MTUS1: variants seen among roughly 807,000 people sequenced by gnomAD.
MTUS1 encodes the protein microtubule associated scaffold protein 1.
A neutral mutation model predicts 120.8 loss-of-function variants in MTUS1; 109 were observed. That is an observed-to-expected ratio of 0.90 (90% CI 0.77 to 1.06). The LOEUF (loss-of-function observed/expected upper bound fraction) is 1.06. Ranked by LOEUF, MTUS1 falls within the 50% of genes least tolerant of loss-of-function variation. The pLI is 0.00. For missense variants in MTUS1, 2,210 were observed against 1,486.3 expected, an observed-to-expected ratio of 1.49 and a Z score of -8.01; for synonymous variants, 737 against 550.5, an observed-to-expected ratio of 1.34 and a Z score of -4.74.
chr8:17,733,124 G>C (rs2131189362), intron 3 of MTUS1, among the ~76,000 whole-genome samples: 1 of 152,282 alleles, frequency 6.6e-6, no homozygotes, highest in East Asian at 1.9e-4. Context: ...GCCGAGGTGG[G>C]TGGATCACCT....
intron 8 of MTUS1, among the ~76,000 whole-genome samples, chr8:17,656,545 A>ACCCCCC (rs141775374): frequency 1.9e-5 from 2 of 105,972 alleles, no homozygotes; most frequent in Admixed American, 1.0e-4. Flanking sequence ...AACAAACAAA[A>ACCCCCC]CCCCCCCCCA....
Position 17,656,019 on chromosome 8 carries a change from C to G in MTUS1, c.2952G>C (p.Glu984Asp). 1.1e-5 allele frequency: 18 copies of G among 1,614,222 alleles called. No individual in the cohort carries two copies. Among genetic ancestry groups the G allele is most frequent in the Non-Finnish European group, 1.5e-5 (18 of 1,180,042 alleles). Reference protein sequence around the residue: ...TCEKLEKARNELQTVYEAFVQ... With the variant: ...TCEKLEKARNDLQTVYEAFVQ... ...CGAATGCTTCATACACTGTTTGTAA[C>G]TCATTCCTGGCTTTTTCTAATTTCT... Residue 984 changes from glutamate to aspartate, a missense_variant, in exon 9 of 15, where the codon GAG becomes GAC. Coordinates refer to ENST00000693296, the MANE Select transcript of MTUS1 (RefSeq NM_001363059.2).
At chr8:17,776,678 CAAAAAAAAAAAAAAA>C (rs71215272) in intron 1 of MTUS1, among the ~76,000 whole-genome samples, 5 of 55,178 alleles carry the variant, frequency 9.1e-5, no homozygotes, top group East Asian at 7.6e-4. Context: ...GACTCTGTCT[CAAAAAAAAAAAAAAA>C]AAAAAAAAAA....
rs777458284 is a variant in MTUS1, at chr8:17,723,588, A to G, written c.2449+84T>C. On this transcript the variant is annotated intron_variant, in intron 4 of 14. Transcript: ENST00000693296. Reference sequence around the variant, plus strand: ...ATTTTTCCTGAAACCCCAGAAACAAAAATTCTAATTATTTGCAGAGCATTA... The same window carrying G: ...ATTTTTCCTGAAACCCCAGAAACAAGAATTCTAATTATTTGCAGAGCATTA... 2.7e-6 allele frequency: 4 copies of G among 1,459,512 alleles called. No homozygotes were observed. The East Asian group carries it at 9.0e-5, about 33-fold the overall frequency. 90.4% of individuals were successfully genotyped at this position (1,459,512 alleles called of 1,614,324 possible). A position where few individuals can be genotyped will look rare whatever the true frequency, so the allele number is the denominator to read the frequency against.
intron 7 of MTUS1, chr8:17,681,466 G>A (rs550979499): frequency 1.3e-5 from 2 of 153,584 alleles, no homozygotes; most frequent in South Asian, 4.1e-4. Flanking sequence ...CTAGCTGTCT[G>A]ATAGCAGGCA....
At position 17,723,640 on chromosome 8, in the gene MTUS1, A is replaced by T. The variant is rs769014549; in HGVS notation, c.2449+32T>A. ...TTTTTCTTGTAATGACTGTTTCCACAACCCCCGAAGTGTGATATAAAGTCG... is the reference window on the plus strand; with the variant it reads ...TTTTTCTTGTAATGACTGTTTCCACTACCCCCGAAGTGTGATATAAAGTCG... On this transcript the variant is annotated intron_variant, in intron 4 of 14. Coordinates refer to ENST00000693296, the MANE Select transcript of MTUS1 (RefSeq NM_001363059.2). 14 of 1,594,098 alleles carry T rather than the reference A, an allele frequency of 8.8e-6. No individual in the cohort carries two copies. The Admixed American group carries it at 2.3e-4, about 27-fold the overall frequency.
intron 1 of MTUS1, among the ~76,000 whole-genome samples, chr8:17,784,392 T>G (rs553603611): frequency 6.7e-6 from 1 of 148,870 alleles, no homozygotes; most frequent in Non-Finnish European, 1.5e-5. Flanking sequence ...ACCTCCCACA[T>G]TGAAGTGATT....
At chr8:17,646,176 A>G in intron 14 of MTUS1, 37 bp from the exon 15 acceptor site, 2 of 621,730 alleles carry the variant, frequency 3.2e-6, no homozygotes, top group African/African-American at 2.0e-5. Context: ...AGATCTATGT[A>G]AAAAAAAAAA....
intron 1 of MTUS1, among the ~76,000 whole-genome samples, chr8:17,764,429 G>C (rs957282132): frequency 6.7e-6 from 1 of 148,324 alleles, no homozygotes; most frequent in Non-Finnish European, 1.5e-5. Flanking sequence ...TAATTTCTAT[G>C]TACCTGCAAT....
At position 17,723,682 on chromosome 8, in the gene MTUS1, G is replaced by C; in HGVS notation, c.2439C>G (p.Tyr813Ter). 6.2e-7 allele frequency: 1 copy of C among 1,610,194 alleles called. No homozygotes were observed. Among genetic ancestry groups the C allele is most frequent in the Non-Finnish European group, 8.5e-7 (1 of 1,177,202 alleles). ...ATAAAGTCGACTTACAATTGTTGCT[G>C]TAAGTGCTCAGCTCACTGTGGGTGC... Reference protein sequence around the residue: ...IASTHSELSTYSNNSGNAAVI... With the variant: ...IASTHSELST Residue 813 changes from tyrosine to a stop codon, truncating the protein, a stop_gained, in exon 4 of 15, where the codon TAC becomes TAG. Coordinates refer to ENST00000693296, the MANE Select transcript of MTUS1 (RefSeq NM_001363059.2). LOFTEE classifies it high-confidence loss of function.
At chr8:17,760,220 GAAAAC>G (rs775267317) in intron 1 of MTUS1, among the ~76,000 whole-genome samples, 4 of 151,602 alleles carry the variant, frequency 2.6e-5, no homozygotes, top group African/African-American at 7.3e-5. Flanking sequence ...ACTATTAAAA[GAAAAC>G]AAAACAAAAT....
intron 3 of MTUS1, among the ~76,000 whole-genome samples, chr8:17,724,931 G>A (rs917879555): frequency 1.2e-4 from 19 of 152,100 alleles, no homozygotes; most frequent in South Asian, 8.3e-4. Context: ...TAGCTCCACT[G>A]TTTTATTTTT....
At chr8:17,761,957 T>A (rs2131382711) in intron 1 of MTUS1, among the ~76,000 whole-genome samples, 1 of 152,282 alleles carries the variant, frequency 6.6e-6, no homozygotes, top group Non-Finnish European at 1.5e-5. Context: ...TGGCACAACA[T>A]CTAAGCTATC....
intron 1 of MTUS1, among the ~76,000 whole-genome samples, chr8:17,774,345 G>A (rs1300439384): frequency 6.6e-6 from 1 of 152,184 alleles, no homozygotes; most frequent in African/African-American, 2.4e-5. Context: ...CAAAGGTGTT[G>A]CTTTTCCTAC....
At chr8:17,654,302 C>T in intron 10 of MTUS1, 1 of 486,134 alleles carries the variant, frequency 2.1e-6, no homozygotes. Context: ...TGGCAACCAC[C>T]ACCGCCAAAA....
intron 4 of MTUS1, among the ~76,000 whole-genome samples, chr8:17,720,375 A>C (rs1043983264): frequency 1.3e-5 from 2 of 151,914 alleles, no homozygotes; most frequent in African/African-American, 4.8e-5. Flanking sequence ...ACAAAAAACA[A>C]ACTAAGGTGG....
At chr8:17,707,062 T>C (rs999834541) in intron 6 of MTUS1, among the ~76,000 whole-genome samples, 4 of 152,158 alleles carry the variant, frequency 2.6e-5, no homozygotes, top group African/African-American at 9.7e-5. Flanking sequence ...CTCAAAGCCA[T>C]AGTACAACGA....
At chr8:17,687,731 G>C (rs561462384) in intron 6 of MTUS1, among the ~76,000 whole-genome samples, 2 of 152,156 alleles carry the variant, frequency 1.3e-5, no homozygotes, top group Admixed American at 6.5e-5. Flanking sequence ...TCAGGAAAAC[G>C]AAGGCCAGAA....
Position 17,655,943 on chromosome 8 carries a change from A to C in MTUS1, c.3028T>G (p.Phe1010Val), listed in dbSNP as rs1259617934. ...KTERENRLKE[F>V]YTREYEKLRD... ...AGCTTTTCATACTCCCTGGTGTAAA[A>C]CTCTTTAAGCCGATTCTCTCGTTCT... The change falls in exon 9 of 15, where the codon TTT (phenylalanine) becomes GTT (valine). Residue 1010 changes from phenylalanine to valine, a missense_variant. Physicochemically the swap from Phe to Val is conservative, Grantham distance 50. Coordinates refer to ENST00000693296, the MANE Select transcript of MTUS1 (RefSeq NM_001363059.2). 2 of 1,613,728 alleles carry C rather than the reference A, an allele frequency of 1.2e-6. No homozygotes were observed. The highest frequency in any genetic ancestry group is 1.7e-6 in the Non-Finnish European group (2 of 1,179,990).
Sources: allele counts gnomAD v4.1 joint callset (sites outside exome capture counted in the v4.1 genomes callset), GRCh38; gene constraint gnomAD v4.1.1; transcripts MANE v1.5; gene names NCBI Gene and HGNC (gene_info 2026-07-23, HGNC 2026-07-21).